The following RBM27 variants were observed in gnomAD, a reference collection of about 807,000 sequenced individuals.
The protein encoded by RBM27 is RNA-binding protein 27.
A neutral mutation model predicts 135.3 loss-of-function variants in RBM27; 22 were observed. The observed-to-expected ratio is 0.16, with a 90% CI of 0.12 to 0.23. RBM27 has a LOEUF of 0.23. Ranked by LOEUF, RBM27 falls within the 10% of genes least tolerant of loss-of-function variation. RBM27 has a pLI of 1.00. For missense variants in RBM27, 1,009 were observed against 1,281.0 expected (o/e 0.79, Z 3.24); for synonymous variants, 481 against 442.4 (o/e 1.09, Z -1.10).
rs1035821870 is a variant in RBM27, at chr5:146,287,435, G to A, written c.*1405G>A. The A allele has an allele frequency of 6.6e-5, 10 of 152,052 alleles. No homozygotes were observed. The highest frequency in any genetic ancestry group is 1.3e-4 in the Non-Finnish European group (9 of 68,002). 9.4% of individuals were successfully genotyped at this position (152,052 alleles called of 1,614,324 possible). A position where few individuals can be genotyped will look rare whatever the true frequency, so the allele number is the denominator to read the frequency against. On this transcript the variant is annotated 3_prime_UTR_variant, in exon 21 of 21. Coordinates refer to ENST00000265271, the MANE Select transcript of RBM27 (RefSeq NM_018989.2). ...CCCCTGGGAAAATAAAATGATTAAT[G>A]TACCTAGGCTGTCACTTTTTCAAGG...
intron 6 of RBM27, 151 bp downstream of exon 6, chr5:146,231,068 A>G: frequency 9.8e-7 from 1 of 1,016,594 alleles, no homozygotes; most frequent in Non-Finnish European, 1.4e-6. Flanking sequence ...GTCACCCAGG[A>G]TGGAGTGCAG....
rs1175797246 is a variant in RBM27 at position 146,268,341 on chromosome 5, C to T, written c.2451+573C>T. On this transcript the variant is annotated intron_variant, in intron 15 of 20. Transcript: ENST00000265271. ...CACTGCAACCTCCGCCTCCTGGGTTCAAGCGATTCTCCTGCCTCAGCCTCC... is the reference window on the plus strand; with the variant it reads ...CACTGCAACCTCCGCCTCCTGGGTTTAAGCGATTCTCCTGCCTCAGCCTCC... 4.0e-5 allele frequency among the ~76,000 whole-genome samples: 6 copies of T among 151,374 alleles called. No individual in the cohort carries two copies. The South Asian group carries it at 1.2e-3, about 31-fold the overall frequency.
At chr5:146,269,367 TTTATA>T (rs752951783) in intron 16 of RBM27, 48 bp from the exon 17 acceptor site, 1 of 1,485,748 alleles carries the variant, frequency 6.7e-7, no homozygotes, top group Non-Finnish European at 9.1e-7. Context: ...TAAAGACTTC[TTTATA>T]TTAAAGTTTA....
intron 19 of RBM27, among the ~76,000 whole-genome samples, chr5:146,274,983 C>G (rs1561567281): frequency 1.3e-5 from 2 of 150,944 alleles, no homozygotes; most frequent in African/African-American, 4.9e-5. Context: ...AGTTCTTTTT[C>G]TTTTTTTTCT....
At chr5:146,205,393 A>C (rs1160668304) in intron 1 of RBM27, among the ~76,000 whole-genome samples, 1 of 152,228 alleles carries the variant, frequency 6.6e-6, no homozygotes, top group Non-Finnish European at 1.5e-5. Flanking sequence ...TTGATTCATT[A>C]GGTCAGATTG....
In RBM27 at chr5:146,286,705, A is replaced by G. The variant is rs921024904; in HGVS notation, c.*675A>G. The stretch of plus-strand genomic sequence containing the variant: ...GTATTTCCATTCTCTTGTCATATGA[A>G]CTCCTGGACTTTTCCTGCTACTGAT... On this transcript the variant is annotated 3_prime_UTR_variant, in exon 21 of 21. Transcript: ENST00000265271. 2.0e-5 allele frequency: 3 copies of G among 151,330 alleles called. No homozygotes were observed. The highest frequency in any genetic ancestry group is 2.9e-5 in the Non-Finnish European group (2 of 67,808). 9.4% of individuals were successfully genotyped at this position (151,330 alleles called of 1,614,324 possible). A position where few individuals can be genotyped will look rare whatever the true frequency, so the allele number is the denominator to read the frequency against.
chr5:146,236,423 T>A (rs1458165669), intron 7 of RBM27, among the ~76,000 whole-genome samples: 3 of 152,208 alleles, frequency 2.0e-5, no homozygotes, highest in African/African-American at 7.2e-5. Flanking sequence ...TTCTCAGCCG[T>A]TCTCCACCTT....
At chr5:146,278,482 A>G (rs1759186178) in intron 19 of RBM27, among the ~76,000 whole-genome samples, 1 of 152,172 alleles carries the variant, frequency 6.6e-6, no homozygotes. Context: ...TTTCTCATAC[A>G]TCTGCTTAAA....
In RBM27 at chr5:146,263,598, G is replaced by C; in HGVS notation, c.2298G>C (p.Leu766Phe). The stretch of plus-strand genomic sequence containing the variant: ...ACCAGAGTGATGCATCACATTTGTT[G>C]AATCAGTCTGGTGGTGCTGGAGAAG... ...GGNQSDASHL[L>F]NQSGGAGEDC... The change falls in exon 14 of 21, where the codon TTG becomes TTC. Residue 766 changes from leucine to phenylalanine, a missense_variant. Coordinates refer to ENST00000265271, the MANE Select transcript of RBM27 (RefSeq NM_018989.2). 3.1e-6 allele frequency: 5 copies of C among 1,614,162 alleles called. No individual in the cohort carries two copies. The highest frequency in any genetic ancestry group is 4.2e-6 in the Non-Finnish European group (5 of 1,180,022).
At chr5:146,223,608 A>C (rs1756548543) in intron 3 of RBM27, 81 bp downstream of exon 3, 1 of 1,458,902 alleles carries the variant, frequency 6.9e-7, no homozygotes. Flanking sequence ...TGAGCCTTTT[A>C]AAAGTAATTG....
At chr5:146,280,474 A>G (rs1581246633) in intron 19 of RBM27, among the ~76,000 whole-genome samples, 1 of 152,144 alleles carries the variant, frequency 6.6e-6, no homozygotes, top group Non-Finnish European at 1.5e-5. Flanking sequence ...CACCTAATAT[A>G]CCTATACCTC....
intron 1 of RBM27, among the ~76,000 whole-genome samples, chr5:146,208,243 T>C (rs567828734): frequency 3.2e-4 from 49 of 152,312 alleles, no homozygotes; most frequent in African/African-American, 1.1e-3. Flanking sequence ...CGTGAGCCAC[T>C]GCGCCCGGCC....
chr5:146,237,210 T>G, intron 7 of RBM27, 88 bp from the exon 8 acceptor site: 1 of 1,512,148 alleles, frequency 6.6e-7, no homozygotes, highest in South Asian at 1.2e-5. Flanking sequence ...CAGTTCTGGA[T>G]TACAGGTGTG....
intron 18 of RBM27, 31 bp downstream of exon 18, chr5:146,271,089 A>G (rs370043955): frequency 2.8e-4 from 426 of 1,533,296 alleles, no homozygotes; most frequent in Non-Finnish European, 3.5e-4. Flanking sequence ...GCGCCCCACC[A>G]CATTTAACGT....
chr5:146,225,951 C>G (rs577064669), intron 3 of RBM27, among the ~76,000 whole-genome samples: 1 of 151,912 alleles, frequency 6.6e-6, no homozygotes, highest in Non-Finnish European at 1.5e-5. Context: ...CAACCTCTAC[C>G]TTTCAGGTTC....
chr5:146,254,796 C>T, intron 9 of RBM27, 147 bp from the exon 10 acceptor site: 2 of 657,716 alleles, frequency 3.0e-6, no homozygotes, highest in Non-Finnish European at 4.8e-6. Flanking sequence ...TGGAACCAGT[C>T]CCTCACAGAT....
intron 16 of RBM27, 68 bp from the exon 17 acceptor site, chr5:146,269,352 A>G: frequency 6.8e-7 from 1 of 1,479,966 alleles, no homozygotes; most frequent in Non-Finnish European, 9.1e-7. Context: ...ATTATTCATA[A>G]TTTTTAAAGA....
chr5:146,219,817 C>T (rs968443548), intron 2 of RBM27, among the ~76,000 whole-genome samples: 1 of 152,182 alleles, frequency 6.6e-6, no homozygotes, highest in Admixed American at 6.5e-5. Context: ...GTGTAGTATA[C>T]TCCATGCCTC....
chr5:146,279,452 C>CA (rs1189245409), intron 19 of RBM27, among the ~76,000 whole-genome samples: 9 of 136,282 alleles, frequency 6.6e-5, no homozygotes, highest in Admixed American at 2.2e-4. Context: ...GTCTAAAAAA[C>CA]AAAAAAACAA....
Sources: gnomAD v4.1 joint callset for allele counts (sites outside exome capture counted in the v4.1 genomes callset) on GRCh38, gnomAD v4.1.1 for gene constraint, MANE v1.5 for transcripts, NCBI Gene and HGNC (gene_info 2026-07-23, HGNC 2026-07-21) for gene names.